DNAH6: variants seen among roughly 807,000 people sequenced by gnomAD.
The protein encoded by DNAH6 is axonemal beta dynein heavy chain 6.
A neutral mutation model predicts 491.4 loss-of-function variants in DNAH6; 340 were observed. The ratio of observed to expected loss-of-function variants is 0.69; its 90% CI spans 0.63 to 0.76. DNAH6 has a LOEUF of 0.76. Ranked by LOEUF, DNAH6 falls within the 30% of genes least tolerant of loss-of-function variation. The pLI, the probability that DNAH6 is intolerant of heterozygous loss-of-function variation, is 0.00. For missense variants in DNAH6, 4,443 were observed against 4,972.2 expected, an observed-to-expected ratio of 0.89 and a Z score of 3.20; for synonymous variants, 1,603 against 1,686.1, an observed-to-expected ratio of 0.95 and a Z score of 1.21.
At position 84,814,112 on chromosome 2, in the gene DNAH6, T is replaced by G; in HGVS notation, c.12140T>G (p.Met4047Arg). Residue 4047 changes from methionine (M) to arginine (R), a missense_variant, in exon 75 of 77, where the codon ATG (methionine) becomes AGG (arginine). Transcript: ENST00000389394. Reference sequence around the variant, plus strand: ...GTGCAATTTGGACAAGAACTGCCCATGGACATGGAGGTATTGTCCACCTGG... The same window carrying G: ...GTGCAATTTGGACAAGAACTGCCCAGGGACATGGAGGTATTGTCCACCTGG... ...KTVQFGQELP[M>R]DMELPSPEDG... 6.4e-7 allele frequency: 1 copy of G among 1,551,626 alleles called. No homozygotes were observed. The highest frequency in any genetic ancestry group is 8.7e-7 in the Non-Finnish European group (1 of 1,146,956).
chr2:84,756,046 G>A lies in DNAH6; in HGVS notation c.10513-6709G>A, dbSNP rs1413733146. 3.9e-5 allele frequency among the ~76,000 whole-genome samples: 6 copies of A among 152,334 alleles called. No homozygotes were observed. In the South Asian group the frequency reaches 6.2e-4, roughly 16 times the overall value. On this transcript the variant is annotated intron_variant, in intron 63 of 76. Transcript: ENST00000389394. ...ATGATTGTGAGGCTTCCCCAGCCAC[G>A]TGGAATTGTAAGTCCAATTAAACCT...
chr2:84,736,959 G>A (rs1699581532), intron 62 of DNAH6, among the ~76,000 whole-genome samples: 1 of 152,122 alleles, frequency 6.6e-6, no homozygotes, highest in African/African-American at 2.4e-5. Flanking sequence ...AATGTTGGCT[G>A]TGGGTTTGTC....
chr2:84,608,062 C>A (rs1685948594), intron 21 of DNAH6, among the ~76,000 whole-genome samples: 2 of 152,182 alleles, frequency 1.3e-5, no homozygotes, highest in South Asian at 2.1e-4. Flanking sequence ...GGAATAGATT[C>A]CATCTCAAGA....
At chr2:84,774,626 A>G (rs753929838) in intron 64 of DNAH6, among the ~76,000 whole-genome samples, 2 of 152,076 alleles carry the variant, frequency 1.3e-5, no homozygotes, top group African/African-American at 4.8e-5. Flanking sequence ...TTAAATTTGT[A>G]TATTGCTTTG....
rs745418796 is a variant in DNAH6, at chr2:84,694,349, G to A, written c.7393G>A (p.Gly2465Ser). The change falls in exon 46 of 77, where the codon GGT becomes AGT. Residue 2465 changes from glycine (G) to serine (S), a missense_variant. Gly to Ser is a moderately conservative substitution (Grantham distance 56, BLOSUM62 0). Transcript: ENST00000389394. ...CACGAGACTTGCAGCTCATATATGCGGTTACAAATGTTTGCAGATTGAACT... is the reference window on the plus strand; with the variant it reads ...CACGAGACTTGCAGCTCATATATGCAGTTACAAATGTTTGCAGATTGAACT... The part of the protein sequence containing the change: ...SLTRLAAHIC[G>S]YKCLQIELSR... The A allele has an allele frequency of 1.5e-5, 23 of 1,552,264 alleles. No homozygotes were observed. Among genetic ancestry groups the A allele is most frequent in the African/African-American group, 5.5e-5 (4 of 73,046 alleles).
intron 61 of DNAH6, 60 bp from the exon 62 acceptor site, chr2:84,733,384 G>C (rs1297422929): frequency 8.9e-6 from 13 of 1,458,584 alleles, no homozygotes; most frequent in Non-Finnish European, 1.2e-5. Context: ...CTTGGACAAA[G>C]TGAAAGTATA....
intron 42 of DNAH6, among the ~76,000 whole-genome samples, 164 bp downstream of exon 42, chr2:84,681,692 C>A (rs999530253): frequency 2.0e-5 from 3 of 152,020 alleles, no homozygotes; most frequent in African/African-American, 7.2e-5. Context: ...TTTCACATGG[C>A]CAACACTGCC....
chr2:84,753,267 C>G (rs1673642691), intron 63 of DNAH6, among the ~76,000 whole-genome samples: 1 of 151,870 alleles, frequency 6.6e-6, no homozygotes, highest in Non-Finnish European at 1.5e-5. Context: ...TTTTAATATC[C>G]TAGCTACAAG....
intron 11 of DNAH6, among the ~76,000 whole-genome samples, chr2:84,558,985 A>G (rs544376685): frequency 2.6e-5 from 4 of 152,342 alleles, no homozygotes; most frequent in African/African-American, 7.2e-5. Context: ...TCCATTATAT[A>G]TACATTCCTA....
chr2:84,542,454 T>G (rs1310070926), intron 4 of DNAH6, among the ~76,000 whole-genome samples: 1 of 152,158 alleles, frequency 6.6e-6, no homozygotes. Context: ...TGGGGTGAGT[T>G]AATTAGAACA....
chr2:84,702,542 C>CTTT (rs34867074), intron 49 of DNAH6, among the ~76,000 whole-genome samples: 5 of 132,472 alleles, frequency 3.8e-5, no homozygotes, highest in African/African-American at 5.5e-5. Context: ...TTTGAACCAG[C>CTTT]TTTTTTTTTT....
chr2:84,716,849 A>G (rs1697582918), intron 58 of DNAH6, among the ~76,000 whole-genome samples: 1 of 152,142 alleles, frequency 6.6e-6, no homozygotes, highest in Non-Finnish European at 1.5e-5. Context: ...AGGGAAGCTA[A>G]CAGCCCTTAG....
At position 84,577,976 on chromosome 2, in the gene DNAH6, G is replaced by GT. The variant is rs562132558; in HGVS notation, c.2076+572dup. ...ACAGAGCCAACCCAGCCTGCCTCTTGTTTTGTATACAGTTTTATCAGAACA... is the reference window on the plus strand; with the variant it reads ...ACAGAGCCAACCCAGCCTGCCTCTTGTTTTTGTATACAGTTTTATCAGAACA... On this transcript the variant is annotated intron_variant, in intron 13 of 76. Transcript: ENST00000389394. Among the ~76,000 whole-genome samples the GT allele has an allele frequency of 2.0e-3, 307 of 152,298 alleles. 1 individual carries two copies. Among genetic ancestry groups the GT allele is most frequent in the African/African-American group, 7.2e-3 (300 of 41,562 alleles).
At chr2:84,604,171 T>A (rs755651576) in intron 18 of DNAH6, among the ~76,000 whole-genome samples, 168 bp from the exon 19 acceptor site, 1 of 152,232 alleles carries the variant, frequency 6.6e-6, no homozygotes, top group East Asian at 1.9e-4. Context: ...GGTTTTCTAA[T>A]AGGCTCAATT....
chr2:84,699,462 A>T (rs1461583108), intron 47 of DNAH6, 132 bp from the exon 48 acceptor site: 10 of 812,910 alleles, frequency 1.2e-5, no homozygotes, highest in Admixed American at 2.9e-5. Flanking sequence ...ATGTTGAACA[A>T]GAAAATTTAC....
intron 62 of DNAH6, among the ~76,000 whole-genome samples, chr2:84,735,077 G>C (rs1485989418): frequency 1.3e-5 from 2 of 151,844 alleles, no homozygotes; most frequent in East Asian, 1.9e-4. Context: ...GAGTCCTCAG[G>C]GTCTATTGTT....
chr2:84,463,596 C>T, the DNAH6 span, among the ~76,000 whole-genome samples: 1 of 152,134 alleles, frequency 6.6e-6, no homozygotes, highest in Non-Finnish European at 1.5e-5. Flanking sequence ...ATATCCCTTC[C>T]CCCTACCCCA....
intron 71 of DNAH6, among the ~76,000 whole-genome samples, chr2:84,807,727 TC>T (rs1369493191): frequency 6.6e-6 from 1 of 152,146 alleles, no homozygotes; most frequent in African/African-American, 2.4e-5. Flanking sequence ...GGGCTCTGCC[TC>T]CCAATCAGCC....
Position 84,797,673 on chromosome 2 carries a change from A to C in DNAH6, c.11481+15A>C. The C allele has an allele frequency of 6.5e-7, 1 of 1,546,492 alleles. No homozygotes were observed. The highest frequency in any genetic ancestry group is 1.2e-5 in the South Asian group (1 of 83,922). The stretch of plus-strand genomic sequence containing the variant: ...TAGTCTTCCAGGTATGTGGCCTTTC[A>C]TCTTAAAATACATATTTATGTTGTG... On this transcript the variant is annotated intron_variant, in intron 70 of 76. Transcript: ENST00000389394.
Sources: gnomAD v4.1 joint callset for allele counts (sites outside exome capture counted in the v4.1 genomes callset) on GRCh38, gnomAD v4.1.1 for gene constraint, MANE v1.5 for transcripts, NCBI Gene and HGNC (gene_info 2026-07-23, HGNC 2026-07-21) for gene names.